RAPGEF4: variants seen among roughly 807,000 people sequenced by gnomAD.
RAPGEF4 encodes Rap guanine nucleotide exchange factor 4, also known as RAP guanine-nucleotide-exchange factor (GEF) 4.
A neutral mutation model predicts 147.9 loss-of-function variants in RAPGEF4; 66 were observed. The ratio of observed to expected loss-of-function variants is 0.45; its 90% CI spans 0.37 to 0.55. The LOEUF is 0.55. Among genes scored for constraint, RAPGEF4 ranks in the 20% least tolerant of loss-of-function variants. The pLI is 0.00. For missense variants in RAPGEF4, 1,071 were observed against 1,257.3 expected (o/e 0.85, Z 2.24); for synonymous variants, 419 against 442.7 (o/e 0.95, Z 0.67).
intron 10 of RAPGEF4, among the ~76,000 whole-genome samples, chr2:172,972,839 A>T (rs2105559574): frequency 6.6e-6 from 1 of 152,310 alleles, no homozygotes; most frequent in African/African-American, 2.4e-5. Flanking sequence ...GAAAATTTGG[A>T]AACCACTGAC....
At chr2:172,777,699 G>C (rs559582303) in intron 1 of RAPGEF4, among the ~76,000 whole-genome samples, 1 of 151,748 alleles carries the variant, frequency 6.6e-6, no homozygotes, top group Non-Finnish European at 1.5e-5. Context: ...CCCCAGCCCC[G>C]TGAGACTGCC....
At chr2:172,838,584 T>C (rs1691225563) in intron 4 of RAPGEF4, among the ~76,000 whole-genome samples, 2 of 152,166 alleles carry the variant, frequency 1.3e-5, no homozygotes, top group South Asian at 4.1e-4. Flanking sequence ...TGCTGGTGAT[T>C]AGTTCAATTG....
chr2:172,884,160 A>G (rs1393425288), intron 4 of RAPGEF4, among the ~76,000 whole-genome samples: 2 of 152,188 alleles, frequency 1.3e-5, no homozygotes, highest in Admixed American at 6.5e-5. Flanking sequence ...GCCAACAGTG[A>G]ACTGTTAAAA....
chr2:172,973,454 T>C (rs1000607906), intron 10 of RAPGEF4, among the ~76,000 whole-genome samples: 1 of 152,172 alleles, frequency 6.6e-6, no homozygotes, highest in African/African-American at 2.4e-5. Flanking sequence ...ATTTTAATAC[T>C]CTTCTTCCCA....
chr2:172,982,776 A>G (rs535343544), intron 10 of RAPGEF4, among the ~76,000 whole-genome samples: 1 of 152,216 alleles, frequency 6.6e-6, no homozygotes, highest in African/African-American at 2.4e-5. Flanking sequence ...TAGTTTTATA[A>G]TAAATTTTAG....
intron 1 of RAPGEF4, among the ~76,000 whole-genome samples, chr2:172,749,077 CT>C (rs1309957298): frequency 6.6e-6 from 1 of 152,198 alleles, no homozygotes; most frequent in Admixed American, 6.5e-5. Flanking sequence ...TCCTTCCCTG[CT>C]GCTTTTAGGG....
intron 4 of RAPGEF4, among the ~76,000 whole-genome samples, chr2:172,838,100 A>G (rs188316559): frequency 4.6e-5 from 7 of 151,558 alleles, no homozygotes; most frequent in African/African-American, 1.2e-4. Context: ...GCTGAGGCAA[A>G]AGAGTACCAG....
At chr2:173,048,846 C>T (rs2106094866) in intron 30 of RAPGEF4, among the ~76,000 whole-genome samples, 192 bp downstream of exon 30, 1 of 152,272 alleles carries the variant, frequency 6.6e-6, no homozygotes, top group Non-Finnish European at 1.5e-5. Context: ...AACATATTTA[C>T]ATTGTTGTGA....
chr2:172,781,367 G>A (rs1466625745), intron 1 of RAPGEF4, among the ~76,000 whole-genome samples: 2 of 152,108 alleles, frequency 1.3e-5, no homozygotes, highest in East Asian at 3.9e-4. Flanking sequence ...ACGAGGGCAG[G>A]GTGTGGTGAC....
At chr2:173,001,370 C>A in intron 17 of RAPGEF4, 26 bp downstream of exon 17, 2 of 1,612,970 alleles carry the variant, frequency 1.2e-6, no homozygotes, top group Non-Finnish European at 1.7e-6. Flanking sequence ...GATTGTAAGT[C>A]CCTATTCCCT....
intron 4 of RAPGEF4, among the ~76,000 whole-genome samples, chr2:172,823,504 T>C (rs1689314255): frequency 6.6e-6 from 1 of 152,166 alleles, no homozygotes; most frequent in South Asian, 2.1e-4. Flanking sequence ...ACTTGAGACT[T>C]TCAGAAGGAA....
intron 28 of RAPGEF4, 25 bp downstream of exon 28, chr2:173,036,237 C>T (rs1683990261): frequency 6.6e-7 from 1 of 1,514,750 alleles, no homozygotes; most frequent in Non-Finnish European, 9.2e-7. Flanking sequence ...ATGCACAGGC[C>T]AAGCAGGTGA....
intron 8 of RAPGEF4, among the ~76,000 whole-genome samples, chr2:172,964,304 T>G (rs1276025011): frequency 6.6e-6 from 1 of 150,798 alleles, no homozygotes; most frequent in Non-Finnish European, 1.5e-5. Context: ...CAACCCCAAA[T>G]CAAGGAATCC....
intron 14 of RAPGEF4, among the ~76,000 whole-genome samples, chr2:172,989,180 T>C (rs1230553860): frequency 6.6e-6 from 1 of 152,212 alleles, no homozygotes; most frequent in Non-Finnish European, 1.5e-5. Context: ...TCCTTCTTTT[T>C]GTCCTTCCCA....
intron 4 of RAPGEF4, among the ~76,000 whole-genome samples, chr2:172,841,144 TG>T (rs1175519893): frequency 6.6e-6 from 1 of 152,166 alleles, no homozygotes; most frequent in Admixed American, 6.5e-5. Flanking sequence ...CTGTTGGAGG[TG>T]GGGCCTGTGG....
At chr2:172,941,471 C>A (rs1261684477) in intron 6 of RAPGEF4, among the ~76,000 whole-genome samples, 1 of 152,142 alleles carries the variant, frequency 6.6e-6, no homozygotes, top group Admixed American at 6.5e-5. Context: ...AAAATATTCA[C>A]TTCACGAAGT....
At chr2:173,050,680 T>G (rs2106105922) in intron 30 of RAPGEF4, among the ~76,000 whole-genome samples, 1 of 151,938 alleles carries the variant, frequency 6.6e-6, no homozygotes, top group Admixed American at 6.6e-5. Context: ...TTTTTTTCCC[T>G]TTTATTTTGA....
chr2:172,739,184 A>G (rs1157087487), intron 1 of RAPGEF4, among the ~76,000 whole-genome samples: 5 of 152,212 alleles, frequency 3.3e-5, no homozygotes, highest in Non-Finnish European at 7.3e-5. Context: ...AACATTGAAA[A>G]AAGTCTCAGC....
intron 1 of RAPGEF4, among the ~76,000 whole-genome samples, chr2:172,765,180 T>A (rs751583875): frequency 2.6e-5 from 4 of 152,212 alleles, no homozygotes; most frequent in Non-Finnish European, 5.9e-5. Flanking sequence ...TCCGTGTCTG[T>A]TTCTGTGTGT....
Sources: gnomAD v4.1 joint callset for allele counts (sites outside exome capture counted in the v4.1 genomes callset) on GRCh38, gnomAD v4.1.1 for gene constraint, MANE v1.5 for transcripts, NCBI Gene and HGNC (gene_info 2026-07-23, HGNC 2026-07-21) for gene names.